The following CCDC40 variants were observed in gnomAD, a reference collection of about 807,000 sequenced individuals.
CCDC40 encodes coiled-coil domain-containing protein 40.
Under a neutral mutation model 124.5 loss-of-function variants are expected in CCDC40, and 104 were observed. The ratio of observed to expected loss-of-function variants is 0.84; its 90% CI spans 0.71 to 0.98. CCDC40 has a LOEUF of 0.98. Ranked by LOEUF, CCDC40 falls within the 50% of genes least tolerant of loss-of-function variation. The pLI is 0.00. For synonymous variants in CCDC40, 580 were observed against 602.9 expected (o/e 0.96, Z 0.56); for missense variants, 1,463 against 1,503.9 (o/e 0.97, Z 0.45).
In CCDC40 at chr17:80,089,899, G is replaced by T. The variant is rs368643850; in HGVS notation, c.2832+15G>T. On this transcript the variant is annotated intron_variant, in intron 17 of 19. Coordinates refer to ENST00000397545, the MANE Select transcript of CCDC40 (RefSeq NM_017950.4). ...ACAGGATGAAGGTGAGGGGAGGAGA[G>T]CGGCGTGGCAGGGCCTGCTGGGTGC... is the stretch of plus-strand genomic sequence containing the variant. 3 of 1,613,800 alleles carry T rather than the reference G, an allele frequency of 1.9e-6. No individual in the cohort carries two copies. In the African/African-American group the frequency reaches 4.0e-5, roughly 22 times the overall value.
chr17:80,046,254 G>T (rs1333183230), intron 3 of CCDC40, among the ~76,000 whole-genome samples: 1 of 152,134 alleles, frequency 6.6e-6, no homozygotes, highest in African/African-American at 2.4e-5. Context: ...TTCAGAAGTG[G>T]TTCCCCCAGC....
chr17:80,057,863 G>A (rs1158336149), intron 7 of CCDC40, among the ~76,000 whole-genome samples: 2 of 143,968 alleles, frequency 1.4e-5, no homozygotes, highest in East Asian at 2.0e-4. Context: ...GCGACAGAGC[G>A]AGATTTCGTC....
Position 80,058,790 on chromosome 17 carries a change from G to A in CCDC40, c.1318-68G>A, listed in dbSNP as rs2037819480. 6.2e-7 allele frequency: 1 copy of A among 1,612,528 alleles called. No individual in the cohort carries two copies. The highest frequency in any genetic ancestry group is 8.5e-7 in the Non-Finnish European group (1 of 1,178,934). On this transcript the variant is annotated intron_variant, in intron 8 of 19. Transcript: ENST00000397545. The surrounding 1 kb of genome is among the most constrained non-coding windows in gnomAD (Gnocchi z 4.2). ...TGGGTGGCGTCAACTTGTATCAAGG[G>A]TTGGTGGAGAACAGGCCCTCAGCCA... is the stretch of plus-strand genomic sequence containing the variant.
Position 80,040,054 on chromosome 17 carries a change from G to A in CCDC40, c.336G>A (p.Thr112=), listed in dbSNP as rs539062213. The A allele has an allele frequency of 7.4e-6, 12 of 1,614,106 alleles. No individual in the cohort carries two copies. Among genetic ancestry groups the A allele is most frequent in the African/African-American group, 5.3e-5 (4 of 75,060 alleles). ...AAGGGCAAATCAGTGCTGCAGATAC[G>A]ACTTACCCGTATTTCAGTCCTCCTC... The part of the protein sequence containing the change: ...SPEGQISAAD[T]TYPYFSPPQE... Residue 112 remains threonine (T), a synonymous_variant, in exon 3 of 20, where the codon ACG becomes ACA. Coordinates refer to ENST00000397545, the MANE Select transcript of CCDC40 (RefSeq NM_017950.4).
intron 12 of CCDC40, among the ~76,000 whole-genome samples, chr17:80,082,765 G>GC (rs1456168112): frequency 2.0e-5 from 3 of 152,056 alleles, no homozygotes; most frequent in South Asian, 4.1e-4. Flanking sequence ...CAATCCCCAG[G>GC]CCCCCGGGCC....
intron 17 of CCDC40, among the ~76,000 whole-genome samples, chr17:80,093,249 T>C (rs891546796): frequency 2.6e-5 from 4 of 152,190 alleles, no homozygotes; most frequent in Non-Finnish European, 5.9e-5. Context: ...CACTCACATC[T>C]CAGCTCGCTG....
chr17:80,058,564 C>T lies in CCDC40; in HGVS notation c.1230C>T (p.Asp410=), dbSNP rs939328098. 6 of 1,614,114 alleles carry T rather than the reference C, an allele frequency of 3.7e-6. No homozygotes were observed. The highest frequency in any genetic ancestry group is 5.1e-6 in the Non-Finnish European group (6 of 1,179,946). The part of the protein sequence containing the change: ...HLFYMQNIDQ[D]MRDDIRVMTQ... ...TCTACATGCAGAACATCGACCAGGA[C>T]ATGCGTGACGACATCCGCGTGATGA... Residue 410 remains aspartate (D), a synonymous_variant, in exon 8 of 20, where the codon GAC becomes GAT. Transcript: ENST00000397545. This position sits in a 1 kb window ranked among gnomAD's most constrained non-coding sequence, Gnocchi z 4.2.
At chr17:80,046,611 C>G (rs114195799) in intron 3 of CCDC40, among the ~76,000 whole-genome samples, 1 of 151,864 alleles carries the variant, frequency 6.6e-6, no homozygotes, top group Non-Finnish European at 1.5e-5. Flanking sequence ...CACCCAGGCA[C>G]GAGAATGCAT....
chr17:80,056,008 A>ATT (rs1242487948), intron 7 of CCDC40, among the ~76,000 whole-genome samples: 20 of 12,276 alleles, frequency 1.6e-3, no homozygotes, highest in Middle Eastern at 0.12. Flanking sequence ...ATATATATAT[A>ATT]TATATATATT....
intron 7 of CCDC40, among the ~76,000 whole-genome samples, chr17:80,057,048 A>T (rs1484897913): frequency 6.6e-6 from 1 of 151,478 alleles, no homozygotes; most frequent in African/African-American, 2.4e-5. Flanking sequence ...CAAAAAAAAA[A>T]AAAAGAAGAA....
At chr17:80,061,005 G>A (rs767081759) in intron 9 of CCDC40, among the ~76,000 whole-genome samples, 2 of 152,184 alleles carry the variant, frequency 1.3e-5, no homozygotes, top group Admixed American at 6.5e-5. Flanking sequence ...TCCTGGGCTG[G>A]GGAGGCCTTT....
chr17:80,085,911 C>G (rs2038576870), intron 13 of CCDC40, 92 bp from the exon 14 acceptor site: 3 of 1,174,370 alleles, frequency 2.6e-6, no homozygotes, highest in East Asian at 2.4e-5. Context: ...CTCGGGTGAT[C>G]CACCCGCCTC....
At position 80,050,309 on chromosome 17, in the gene CCDC40, G is replaced by A. The variant is rs372837972; in HGVS notation, c.1159+26G>A. ...GTAAGGCAACCCGGCAGCCCCACAC[G>A]CCATCCGGTCCTGGAGGGTTTCCCA... On this transcript the variant is annotated intron_variant, in intron 7 of 19. Transcript: ENST00000397545. 3.5e-5 allele frequency: 53 copies of A among 1,531,594 alleles called. 1 individual carries two copies. Among genetic ancestry groups the A allele is most frequent in the East Asian group, 1.5e-4 (6 of 40,868 alleles). The allele number at this position is 1,531,594 out of a possible 1,614,324, so 94.9% of individuals were successfully genotyped here.
intron 3 of CCDC40, among the ~76,000 whole-genome samples, chr17:80,044,933 A>G (rs1209630747): frequency 6.6e-6 from 1 of 152,098 alleles, no homozygotes; most frequent in Non-Finnish European, 1.5e-5. Context: ...ACTGGCTCTC[A>G]GTCTTTGGGA....
rs1043348031 is a variant in CCDC40, at chr17:80,039,738, C to G, written c.94-74C>G. On this transcript the variant is annotated intron_variant, in intron 2 of 19. Transcript: ENST00000397545. ...TGCAGTTTTCCCATTGATATAATTA[C>G]ACTATAAAGAATAAAACCTCACAAG... The G allele has an allele frequency of 5.2e-6, 8 of 1,547,872 alleles. No individual in the cohort carries two copies. The Admixed American group carries it at 1.4e-4, about 26-fold the overall frequency.
rs2038606952 is a variant in CCDC40, at chr17:80,087,309, GC to G, written c.2450-295del. On this transcript the variant is annotated intron_variant, in intron 14 of 19. Transcript: ENST00000397545. The surrounding 1 kb of genome is among the most constrained non-coding windows in gnomAD (Gnocchi z 4.5). ...GCAAGTGTCTGGGGGAGGGAGCCTG[GC>G]CCTCCCACACGCCCTGCCCACACCT... is the stretch of plus-strand genomic sequence containing the variant. 4.2e-6 allele frequency: 2 copies of G among 473,592 alleles called. No homozygotes were observed. The highest frequency in any genetic ancestry group is 7.8e-6 in the Non-Finnish European group (2 of 257,156). 29.3% of individuals were successfully genotyped at this position (473,592 alleles called of 1,614,324 possible).
intron 4 of CCDC40, among the ~76,000 whole-genome samples, chr17:80,047,960 C>T (rs1055218289): frequency 6.6e-6 from 1 of 152,158 alleles, no homozygotes; most frequent in Non-Finnish European, 1.5e-5. Flanking sequence ...GACATGAAAA[C>T]AGCACGTGTC....
intron 10 of CCDC40, chr17:80,067,357 G>T: frequency 1.7e-6 from 1 of 591,464 alleles, no homozygotes; most frequent in Non-Finnish European, 3.0e-6. Flanking sequence ...ACAAGCAAAG[G>T]CACCTGGTTT....
In CCDC40 at chr17:80,096,884, C is replaced by T. The variant is rs147614374; in HGVS notation, c.3022-361C>T. On this transcript the variant is annotated intron_variant, in intron 18 of 19. Transcript: ENST00000397545. ...CTCCCTCAGCAGAGGCCCCCACCCTCCTCTCTCCCAGGCTCCCCAGCCTGC... is the reference window on the plus strand; with the variant it reads ...CTCCCTCAGCAGAGGCCCCCACCCTTCTCTCTCCCAGGCTCCCCAGCCTGC... 3.0e-3 allele frequency among the ~76,000 whole-genome samples: 454 copies of T among 152,368 alleles called. 2 individuals carry two copies. Among genetic ancestry groups the T allele is most frequent in the Non-Finnish European group, 5.1e-3 (348 of 68,034 alleles).
Sources: gnomAD v4.1 joint callset for allele counts (sites outside exome capture counted in the v4.1 genomes callset) on GRCh38, gnomAD v4.1.1 for gene constraint, Gnocchi (gnomAD v3.1) non-coding constraint, MANE v1.5 for transcripts, NCBI Gene and HGNC (gene_info 2026-07-23, HGNC 2026-07-21) for gene names.